IGF2BP2: variants seen among roughly 807,000 people sequenced by gnomAD.
IGF2BP2 encodes insulin like growth factor 2 mRNA binding protein 2.
Under a neutral mutation model 75.8 loss-of-function variants are expected in IGF2BP2, and 17 were observed. The observed-to-expected ratio is 0.22, with a 90% confidence interval of 0.15 to 0.34. The LOEUF is 0.34. Among genes scored for constraint, IGF2BP2 ranks in the 10% least tolerant of loss-of-function variants. The pLI, the probability that IGF2BP2 is intolerant of heterozygous loss-of-function variation, is 1.00. For missense variants in IGF2BP2, 516 were observed against 772.4 expected, an observed-to-expected ratio of 0.67 and a Z score of 3.93; for synonymous variants, 288 against 295.6, an observed-to-expected ratio of 0.97 and a Z score of 0.26.
chr3:185,776,495 G>A (rs919734551), intron 2 of IGF2BP2, among the ~76,000 whole-genome samples: 4 of 152,222 alleles, frequency 2.6e-5, no homozygotes, highest in Admixed American at 1.3e-4. Flanking sequence ...TCCAGGCAGA[G>A]AGGATCTGGG....
rs556337797 is a variant in IGF2BP2, at chr3:185,809,092, G to GT, written c.239+14060dup. Among the ~76,000 whole-genome samples, 21 of 150,688 alleles carry GT rather than the reference G, an allele frequency of 1.4e-4. No individual in the cohort carries two copies. The South Asian group carries it at 3.8e-3, about 27-fold the overall frequency. On this transcript the variant is annotated intron_variant, in intron 2 of 15. Coordinates refer to ENST00000382199, the MANE Select transcript of IGF2BP2 (RefSeq NM_006548.6). ...TTGCAATAAGCGAATAGCTAGTTGG[G>GT]TTTTTTGTTTTTTGTTTTTCTTTTC...
intron 2 of IGF2BP2, among the ~76,000 whole-genome samples, chr3:185,793,498 T>C (rs1736915708): frequency 6.6e-6 from 1 of 152,182 alleles, no homozygotes; most frequent in Non-Finnish European, 1.5e-5. Context: ...AGTCTGTGTG[T>C]GTGTGTAACA....
chr3:185,668,868 G>T (rs969561766), intron 10 of IGF2BP2, among the ~76,000 whole-genome samples: 1 of 152,004 alleles, frequency 6.6e-6, no homozygotes, highest in Non-Finnish European at 1.5e-5. Context: ...CCCTAATGTA[G>T]GTACTATTAT....
Position 185,824,921 on chromosome 3 carries a change from C to G in IGF2BP2, c.40G>C (p.Val14Leu). Residue 14 changes from valine to leucine, a missense_variant, in exon 1 of 16, where the codon GTC (valine) becomes CTC (leucine). This residue lies in a region of IGF2BP2 where 312 missense variants were observed against 474.5 expected (regional missense o/e 0.66). Transcript: ENST00000382199. ...KLYIGNLSPA[V>L]TADDLRQLFG... ...AGCTGCCGGAGGTCGTCGGCGGTGACGGCGGGGCTCAGGTTCCCGATGTAA... is the reference window on the plus strand; with the variant it reads ...AGCTGCCGGAGGTCGTCGGCGGTGAGGGCGGGGCTCAGGTTCCCGATGTAA... 6.4e-7 allele frequency: 1 copy of G among 1,564,486 alleles called. No individual in the cohort carries two copies. Among genetic ancestry groups the G allele is most frequent in the South Asian group, 1.2e-5 (1 of 85,444 alleles).
chr3:185,803,234 C>A (rs1424105213), intron 2 of IGF2BP2, among the ~76,000 whole-genome samples: 5 of 152,226 alleles, frequency 3.3e-5, no homozygotes, highest in African/African-American at 1.2e-4. Flanking sequence ...GCCTGTAATA[C>A]CAGCTACTTA....
At chr3:185,741,269 TATTG>T (rs2149568190) in intron 2 of IGF2BP2, among the ~76,000 whole-genome samples, 1 of 152,316 alleles carries the variant, frequency 6.6e-6, no homozygotes, top group African/African-American at 2.4e-5. Flanking sequence ...TTCAGCGAGT[TATTG>T]ATTTTCAAAC....
chr3:185,727,217 CAAAA>C (rs11294125), intron 2 of IGF2BP2, among the ~76,000 whole-genome samples: 1 of 106,200 alleles, frequency 9.4e-6, no homozygotes, highest in Non-Finnish European at 2.0e-5. Flanking sequence ...GACTCCGTCT[CAAAA>C]AAAAAAAAAA....
At chr3:185,720,043 G>A (rs540366094) in intron 2 of IGF2BP2, among the ~76,000 whole-genome samples, 5 of 152,196 alleles carry the variant, frequency 3.3e-5, no homozygotes, top group South Asian at 2.1e-4. Flanking sequence ...GAAATCCCCC[G>A]GAAAGTGGGA....
chr3:185,751,128 A>G (rs141673162), intron 2 of IGF2BP2, among the ~76,000 whole-genome samples: 3,552 of 152,360 alleles, frequency 0.023, 69 homozygotes, highest in Middle Eastern at 0.054. Flanking sequence ...CACAAGAACC[A>G]CTTGAACCCA....
At chr3:185,815,161 T>C (rs1343284107) in intron 2 of IGF2BP2, among the ~76,000 whole-genome samples, 2 of 152,194 alleles carry the variant, frequency 1.3e-5, no homozygotes, top group Non-Finnish European at 2.9e-5. Flanking sequence ...AAAAAACCTC[T>C]TTCTCTTTAT....
chr3:185,662,813 A>G (rs959949096), intron 10 of IGF2BP2, among the ~76,000 whole-genome samples: 2 of 151,852 alleles, frequency 1.3e-5, no homozygotes, highest in Non-Finnish European at 2.9e-5. Flanking sequence ...AAAGTGCTGG[A>G]ATTACAGGCT....
intron 2 of IGF2BP2, among the ~76,000 whole-genome samples, chr3:185,755,164 G>C (rs1307665637): frequency 6.6e-6 from 1 of 152,194 alleles, no homozygotes; most frequent in African/African-American, 2.4e-5. Flanking sequence ...GGAAAGAACG[G>C]TTTAGTGGGC....
At chr3:185,711,748 T>C (rs1368772004) in intron 2 of IGF2BP2, among the ~76,000 whole-genome samples, 2 of 152,184 alleles carry the variant, frequency 1.3e-5, no homozygotes, top group East Asian at 3.8e-4. Context: ...TGCCTCCTAC[T>C]TTCAGGACCT....
chr3:185,802,873 T>C lies in IGF2BP2; in HGVS notation c.239+20280A>G, dbSNP rs568542749. Reference sequence around the variant, plus strand: ...TAAATAAATGCAGAAGTGCTGAGAGTAGCCTTTGGAGTGCTAATGTAGCAG... The same window carrying C: ...TAAATAAATGCAGAAGTGCTGAGAGCAGCCTTTGGAGTGCTAATGTAGCAG... On this transcript the variant is annotated intron_variant, in intron 2 of 15. Transcript: ENST00000382199. Among the ~76,000 whole-genome samples, 83 of 152,292 alleles carry C rather than the reference T, an allele frequency of 5.5e-4. No homozygotes were observed. In the Middle Eastern group the frequency reaches 0.01, roughly 19 times the overall value.
At chr3:185,650,989 G>C (rs557276481) in intron 13 of IGF2BP2, among the ~76,000 whole-genome samples, 1 of 152,300 alleles carries the variant, frequency 6.6e-6, no homozygotes, top group East Asian at 1.9e-4. Context: ...GCTCACTGCA[G>C]CCTTGAACTT....
At chr3:185,699,384 T>A (rs576276961) in intron 2 of IGF2BP2, among the ~76,000 whole-genome samples, 1 of 152,188 alleles carries the variant, frequency 6.6e-6, no homozygotes, top group African/African-American at 2.4e-5. Flanking sequence ...TGAGGTCATA[T>A]AGTGGGCTTC....
intron 6 of IGF2BP2, 42 bp downstream of exon 6, chr3:185,689,313 G>A: frequency 6.3e-7 from 1 of 1,593,850 alleles, no homozygotes; most frequent in Non-Finnish European, 8.5e-7. Flanking sequence ...GCACGCAGGG[G>A]ACCCCTCAGA....
intron 2 of IGF2BP2, among the ~76,000 whole-genome samples, chr3:185,720,013 G>GT (rs1726265895): frequency 6.6e-6 from 1 of 152,172 alleles, no homozygotes; most frequent in African/African-American, 2.4e-5. Context: ...ATGTACAATT[G>GT]TGACTGTCCC....
At chr3:185,754,653 G>A (rs1477455451) in intron 2 of IGF2BP2, among the ~76,000 whole-genome samples, 2 of 152,050 alleles carry the variant, frequency 1.3e-5, no homozygotes, top group Non-Finnish European at 2.9e-5. Context: ...ATAGAGATAT[G>A]GACAGTGAAG....
Sources: gnomAD v4.1 joint callset for allele counts (sites outside exome capture counted in the v4.1 genomes callset) on GRCh38, gnomAD v4.1.1 for gene constraint, gnomAD v4.1.1 regional missense constraint, MANE v1.5 for transcripts, NCBI Gene and HGNC (gene_info 2026-07-23, HGNC 2026-07-21) for gene names.